The following ZNF469 variants were observed in gnomAD, a reference collection of about 807,000 sequenced individuals.
The protein encoded by ZNF469 is zinc finger protein 469.
Under a neutral mutation model 1.0 loss-of-function variants are expected in ZNF469, and 1 was observed. The ratio of observed to expected loss-of-function variants is 1.00; its 90% CI spans 0.35 to 4.73. ZNF469 has a LOEUF of 4.73. ZNF469 is among the 30% of genes most tolerant of loss of function. ZNF469 has a pLI of 0.16. For missense variants in ZNF469, 6,100 were observed against 5,356.3 expected, an observed-to-expected ratio of 1.14 and a Z score of -4.33; for synonymous variants, 2,703 against 2,363.4, an observed-to-expected ratio of 1.14 and a Z score of -4.17.
intron 1 of ZNF469, among the ~76,000 whole-genome samples, chr16:88,394,700 G>T (rs1028226571): frequency 6.6e-6 from 1 of 152,224 alleles, no homozygotes; most frequent in Non-Finnish European, 1.5e-5. Context: ...CTGAAGGCCA[G>T]GAGACATCCA....
chr16:88,169,484 G>T, the ZNF469 span, among the ~76,000 whole-genome samples: 1 of 152,168 alleles, frequency 6.6e-6, no homozygotes, highest in Non-Finnish European at 1.5e-5. The surrounding 1 kb of genome is among the most constrained non-coding windows in gnomAD (Gnocchi z 6.1). Context: ...GAGTTCTCCA[G>T]TACGCAACCT....
At chr16:88,350,389 C>T in the ZNF469 span, among the ~76,000 whole-genome samples, 1 of 152,266 alleles carries the variant, frequency 6.6e-6, no homozygotes, top group African/African-American at 2.4e-5. Flanking sequence ...CCTCCCGGCG[C>T]ACCCACCTCC....
the ZNF469 span, among the ~76,000 whole-genome samples, chr16:88,166,772 A>ACAC: frequency 6.9e-6 from 1 of 145,782 alleles, no homozygotes; most frequent in Non-Finnish European, 1.5e-5. This position sits in a 1 kb window ranked among gnomAD's most constrained non-coding sequence, Gnocchi z 4.5. Flanking sequence ...CAGAATCATA[A>ACAC]ACACACACAC....
chr16:88,152,720 C>T, the ZNF469 span, among the ~76,000 whole-genome samples: 2 of 152,248 alleles, frequency 1.3e-5, no homozygotes, highest in South Asian at 4.2e-4. This position sits in a 1 kb window ranked among gnomAD's most constrained non-coding sequence, Gnocchi z 4.2. Context: ...AAATCACTTC[C>T]CTCTCTTCAT....
the ZNF469 span, among the ~76,000 whole-genome samples, chr16:88,361,363 G>GCA: frequency 6.6e-6 from 1 of 152,200 alleles, no homozygotes; most frequent in African/African-American, 2.4e-5. Flanking sequence ...CCTAGAGGAA[G>GCA]CACACACTGT....
chr16:88,399,120 C>T (rs1226774616), intron 1 of ZNF469, among the ~76,000 whole-genome samples: 1 of 152,232 alleles, frequency 6.6e-6, no homozygotes, highest in African/African-American at 2.4e-5. Context: ...TCTCACCTGG[C>T]CACCCAGGGG....
At chr16:88,315,874 CCTG>C in the ZNF469 span, among the ~76,000 whole-genome samples, 2 of 152,216 alleles carry the variant, frequency 1.3e-5, no homozygotes, top group Admixed American at 6.5e-5. Context: ...CCCTCCCCCT[CCTG>C]CTGAGTCACA....
At chr16:88,377,075 C>G in the ZNF469 span, among the ~76,000 whole-genome samples, 1 of 152,260 alleles carries the variant, frequency 6.6e-6, no homozygotes, top group African/African-American at 2.4e-5. Context: ...CTTGCCAGAG[C>G]TGGAGGCAGA....
the ZNF469 span, among the ~76,000 whole-genome samples, chr16:88,179,776 G>C: frequency 6.6e-6 from 1 of 152,240 alleles, no homozygotes; most frequent in African/African-American, 2.4e-5. Flanking sequence ...AAGACAGAAA[G>C]ATAATTGACT....
At chr16:88,344,311 T>C in the ZNF469 span, among the ~76,000 whole-genome samples, 6 of 152,140 alleles carry the variant, frequency 3.9e-5, no homozygotes, top group African/African-American at 9.7e-5. Flanking sequence ...AACGTGTCGA[T>C]GCTGGTTCCT....
At chr16:88,405,210 G>A (rs1167255355) in intron 1 of ZNF469, among the ~76,000 whole-genome samples, 3 of 152,208 alleles carry the variant, frequency 2.0e-5, no homozygotes, top group Admixed American at 2.0e-4. Context: ...AAAGGAGGAT[G>A]AGGAGAGCAG....
chr16:88,397,382 A>G (rs1215716994), intron 1 of ZNF469, among the ~76,000 whole-genome samples: 1 of 152,088 alleles, frequency 6.6e-6, no homozygotes, highest in Admixed American at 6.5e-5. Flanking sequence ...TTCCTTCATC[A>G]TCTCCCTCCT....
the ZNF469 span, among the ~76,000 whole-genome samples, chr16:88,334,776 G>A: frequency 3.2e-4 from 48 of 152,246 alleles, no homozygotes; most frequent in Middle Eastern, 6.8e-3. Context: ...GGAAGATGCC[G>A]ACGGGAGGAC....
chr16:88,427,911 C>G lies in ZNF469; in HGVS notation c.441C>G (p.Leu147=), dbSNP rs1483862101. The G allele has an allele frequency of 2.3e-5, 35 of 1,549,926 alleles. No homozygotes were observed. Among genetic ancestry groups the G allele is most frequent in the Non-Finnish European group, 3.1e-5 (35 of 1,146,844 alleles). The stretch of plus-strand genomic sequence containing the variant: ...ACCCACAGCTGGAGGCTGCCCAGCT[C>G]CCTGAGGTGGACACCCCCCAGGGCC... ...PENPQLEAAQ[L]PEVDTPQGPG... Residue 147 remains leucine (L), a synonymous_variant, in exon 3 of 3, where the codon CTC becomes CTG. Coordinates refer to ENST00000565624, the MANE Select transcript of ZNF469 (RefSeq NM_001367624.2).
chr16:88,117,112 A>G, the ZNF469 span, among the ~76,000 whole-genome samples: 1 of 151,606 alleles, frequency 6.6e-6, no homozygotes, highest in Admixed American at 6.6e-5. Flanking sequence ...GGTGGGAGTG[A>G]GAGTCAGGGA....
the ZNF469 span, among the ~76,000 whole-genome samples, chr16:88,128,248 G>T: frequency 5.3e-5 from 8 of 152,102 alleles, no homozygotes; most frequent in Admixed American, 5.2e-4. Context: ...CAGAATGCAG[G>T]CCTTTCTCGG....
chr16:88,121,462 C>T, the ZNF469 span, among the ~76,000 whole-genome samples: 1 of 152,206 alleles, frequency 6.6e-6, no homozygotes, highest in Admixed American at 6.5e-5. Flanking sequence ...CAGTGAACTT[C>T]CAGAATGAAA....
chr16:88,229,449 G>A, the ZNF469 span, among the ~76,000 whole-genome samples: 6 of 152,360 alleles, frequency 3.9e-5, no homozygotes, highest in Admixed American at 2.0e-4. Context: ...CTTGTTTTCC[G>A]TTCCTGCCAA....
At chr16:88,103,224 G>A in the ZNF469 span, among the ~76,000 whole-genome samples, 9 of 151,934 alleles carry the variant, frequency 5.9e-5, no homozygotes, top group African/African-American at 1.7e-4. Context: ...ATGGCCTCTC[G>A]CCCAGTGTGG....
Sources: gnomAD v4.1 joint callset for allele counts (sites outside exome capture counted in the v4.1 genomes callset) on GRCh38, gnomAD v4.1.1 for gene constraint, Gnocchi (gnomAD v3.1) non-coding constraint, MANE v1.5 for transcripts, NCBI Gene and HGNC (gene_info 2026-07-23, HGNC 2026-07-21) for gene names.